Variants in ASTN2 observed in about 807,000 individuals in gnomAD.
The protein encoded by ASTN2 is astrotactin-2.
In ASTN2, 54 loss-of-function variants were observed where a neutral mutation model predicts 139.8. The ratio of observed to expected loss-of-function variants is 0.39; its 90% CI spans 0.31 to 0.48. ASTN2 has a LOEUF of 0.48. ASTN2 is among the 20% of genes least tolerant of loss of function. The pLI, the probability that ASTN2 is intolerant of heterozygous loss-of-function variation, is 0.95. For missense variants in ASTN2, 1,565 were observed against 1,725.1 expected (o/e 0.91, Z 1.64); for synonymous variants, 756 against 719.5 (o/e 1.05, Z -0.81).
chr9:117,210,888 T>G (rs1832099579), intron 3 of ASTN2, among the ~76,000 whole-genome samples: 1 of 146,852 alleles, frequency 6.8e-6, no homozygotes. Context: ...TATGCAAGGA[T>G]AATATATGCA....
chr9:117,398,174 G>A (rs1321522268), intron 1 of ASTN2, among the ~76,000 whole-genome samples: 1 of 152,164 alleles, frequency 6.6e-6, no homozygotes, highest in African/African-American at 2.4e-5. Context: ...TCTTGAGATA[G>A]TTTCAGGGGC....
At chr9:116,677,617 T>C (rs1245500859) in intron 16 of ASTN2, among the ~76,000 whole-genome samples, 1 of 152,160 alleles carries the variant, frequency 6.6e-6, no homozygotes, top group Non-Finnish European at 1.5e-5. Flanking sequence ...CACTGGAAGA[T>C]GAGACTCCCA....
At chr9:117,246,851 C>T (rs569473440) in intron 2 of ASTN2, among the ~76,000 whole-genome samples, 24 of 152,060 alleles carry the variant, frequency 1.6e-4, no homozygotes, top group Non-Finnish European at 3.5e-4. Context: ...CAGTAATCAC[C>T]AAAGGACAGG....
chr9:117,117,279 G>A (rs1045345336), intron 4 of ASTN2, among the ~76,000 whole-genome samples: 1 of 151,172 alleles, frequency 6.6e-6, no homozygotes, highest in African/African-American at 2.4e-5. Flanking sequence ...GGGACTAAAT[G>A]TAAGTTGCTA....
At chr9:117,216,589 C>G (rs1257209250) in intron 2 of ASTN2, among the ~76,000 whole-genome samples, 2 of 152,100 alleles carry the variant, frequency 1.3e-5, no homozygotes, top group Non-Finnish European at 2.9e-5. Flanking sequence ...ATGTGTATAC[C>G]AGAGGTGATT....
chr9:116,613,946 G>T (rs1040896756), intron 19 of ASTN2, among the ~76,000 whole-genome samples: 3 of 152,274 alleles, frequency 2.0e-5, no homozygotes, highest in East Asian at 1.9e-4. Flanking sequence ...GTCCCTGTTT[G>T]CAGATGACAT....
At chr9:116,896,675 G>A (rs1833887019) in intron 10 of ASTN2, among the ~76,000 whole-genome samples, 1 of 152,148 alleles carries the variant, frequency 6.6e-6, no homozygotes, top group Admixed American at 6.5e-5. Flanking sequence ...CCACATGGCT[G>A]GGGAGGTCTT....
intron 4 of ASTN2, among the ~76,000 whole-genome samples, chr9:117,138,930 C>A (rs1404230494): frequency 6.6e-6 from 1 of 151,910 alleles, no homozygotes; most frequent in Non-Finnish European, 1.5e-5. Flanking sequence ...AGCCCAAATG[C>A]CTAATAGTAG....
At chr9:117,169,020 G>T (rs1830730980) in intron 3 of ASTN2, among the ~76,000 whole-genome samples, 1 of 152,058 alleles carries the variant, frequency 6.6e-6, no homozygotes, top group Non-Finnish European at 1.5e-5. Context: ...GTAACATGGG[G>T]ATAATAGCGC....
chr9:116,660,446 C>G (rs1858494684), intron 16 of ASTN2, among the ~76,000 whole-genome samples: 2 of 152,186 alleles, frequency 1.3e-5, no homozygotes, highest in Non-Finnish European at 2.9e-5. Context: ...ACCTTAACCT[C>G]TCTAAGCCTC....
intron 2 of ASTN2, among the ~76,000 whole-genome samples, chr9:117,269,124 G>A (rs1467829): frequency 0.96 from 146,279 of 152,260 alleles, 70,551 homozygotes; most frequent in East Asian, 1. Flanking sequence ...TGAGGGGACT[G>A]ACTTAAGTAC....
intron 10 of ASTN2, among the ~76,000 whole-genome samples, chr9:116,935,941 G>A (rs929455196): frequency 7.9e-5 from 12 of 151,598 alleles, no homozygotes; most frequent in Non-Finnish European, 1.5e-4. Flanking sequence ...GAGACATTGG[G>A]AAAGAGATGT....
At chr9:116,453,428 T>A (rs906333743) in intron 20 of ASTN2, among the ~76,000 whole-genome samples, 1 of 150,852 alleles carries the variant, frequency 6.6e-6, no homozygotes, top group Non-Finnish European at 1.5e-5. Context: ...CCCGTCTCTA[T>A]TAAAAATACA....
intron 19 of ASTN2, among the ~76,000 whole-genome samples, chr9:116,617,985 T>G (rs1370216952): frequency 6.6e-6 from 1 of 152,158 alleles, no homozygotes; most frequent in African/African-American, 2.4e-5. Flanking sequence ...GTTCCAGAGA[T>G]AATATATTTA....
chr9:116,998,120 A>G (rs1837075893), intron 7 of ASTN2, among the ~76,000 whole-genome samples: 1 of 152,216 alleles, frequency 6.6e-6, no homozygotes, highest in African/African-American at 2.4e-5. Flanking sequence ...CCTGAATAAC[A>G]AAGTATCATG....
chr9:116,628,565 G>C (rs1856575169), intron 17 of ASTN2, among the ~76,000 whole-genome samples: 1 of 152,134 alleles, frequency 6.6e-6, no homozygotes, highest in Non-Finnish European at 1.5e-5. Flanking sequence ...GGTTTCCAGA[G>C]GTTAGGGAGA....
Position 117,045,339 on chromosome 9 carries a change from G to T in ASTN2, c.1277-5374C>A, listed in dbSNP as rs116877468. 9.7e-3 allele frequency among the ~76,000 whole-genome samples: 1,450 copies of T among 149,614 alleles called. 7 individuals carry two copies. The highest frequency in any genetic ancestry group is 0.035 in the Middle Eastern group (10 of 288). On this transcript the variant is annotated intron_variant, in intron 5 of 22. Transcript: ENST00000313400. ...CTGAGTATTTTTTTTTTTCCAGAAG[G>T]CTGAGGTCACAGTTCTCCCTGATTC...
chr9:117,004,777 TA>T (rs769236894), intron 7 of ASTN2, among the ~76,000 whole-genome samples: 10 of 152,100 alleles, frequency 6.6e-5, no homozygotes, highest in Non-Finnish European at 1.3e-4. Context: ...ATAACAATTA[TA>T]GGGGGAAGCA....
chr9:117,158,620 G>A (rs1292879360), intron 3 of ASTN2, among the ~76,000 whole-genome samples: 4 of 151,994 alleles, frequency 2.6e-5, no homozygotes, highest in African/African-American at 9.7e-5. Flanking sequence ...ATCAGTGAGT[G>A]CATGGCAGAA....
Sources: gnomAD v4.1 joint callset for allele counts (sites outside exome capture counted in the v4.1 genomes callset) on GRCh38, gnomAD v4.1.1 for gene constraint, MANE v1.5 for transcripts, NCBI Gene and HGNC (gene_info 2026-07-23, HGNC 2026-07-21) for gene names.